The following EXOC4 variants were observed in gnomAD, a reference collection of about 807,000 sequenced individuals.
EXOC4 encodes the protein exocyst complex component 4.
Under a neutral mutation model 107.2 loss-of-function variants are expected in EXOC4, and 71 were observed. The observed-to-expected ratio is 0.66, with a 90% CI of 0.55 to 0.81. EXOC4 has a LOEUF of 0.81. Ranked by LOEUF, EXOC4 falls within the 30% of genes least tolerant of loss-of-function variation. EXOC4 has a pLI of 0.00. For missense variants in EXOC4, 1,108 were observed against 1,189.6 expected (o/e 0.93, Z 1.01); for synonymous variants, 456 against 441.2 (o/e 1.03, Z -0.42).
intron 3 of EXOC4, among the ~76,000 whole-genome samples, chr7:133,298,124 A>T (rs1336289824): frequency 6.6e-6 from 1 of 152,110 alleles, no homozygotes; most frequent in Non-Finnish European, 1.5e-5. Flanking sequence ...AGATAGGAGG[A>T]GCTTGTTAAA....
chr7:133,418,036 A>G (rs1797518706), intron 7 of EXOC4, among the ~76,000 whole-genome samples: 1 of 152,108 alleles, frequency 6.6e-6, no homozygotes, highest in Admixed American at 6.5e-5. Flanking sequence ...TTTCATCTCC[A>G]CTTGGTAATA....
chr7:133,445,160 C>T (rs1239198943), intron 7 of EXOC4, among the ~76,000 whole-genome samples: 1 of 152,056 alleles, frequency 6.6e-6, no homozygotes, highest in African/African-American at 2.4e-5. Flanking sequence ...TCTATCCTGA[C>T]AAATTGAAAA....
intron 9 of EXOC4, among the ~76,000 whole-genome samples, chr7:133,547,115 G>C (rs951808249): frequency 6.6e-6 from 1 of 152,040 alleles, no homozygotes; most frequent in African/African-American, 2.4e-5. Flanking sequence ...ATATGTTGGA[G>C]GTATTCCAGG....
chr7:133,287,291 T>A (rs969810574), intron 2 of EXOC4, among the ~76,000 whole-genome samples: 3 of 123,206 alleles, frequency 2.4e-5, no homozygotes, highest in Non-Finnish European at 4.9e-5. Flanking sequence ...AAATTAATAA[T>A]CAGTCTATTA....
intron 9 of EXOC4, chr7:133,576,584 A>G: frequency 7.8e-7 from 1 of 1,289,840 alleles, no homozygotes; most frequent in Non-Finnish European, 1.0e-6. Context: ...TCCCAGATCT[A>G]TAAAGCGGAT....
intron 13 of EXOC4, among the ~76,000 whole-genome samples, chr7:133,936,237 G>A (rs915192892): frequency 1.3e-5 from 2 of 152,056 alleles, no homozygotes; most frequent in African/African-American, 2.4e-5. Context: ...CAACTGTGAC[G>A]TTTCCTTTAA....
At chr7:133,269,175 G>C (rs1214694768) in intron 1 of EXOC4, among the ~76,000 whole-genome samples, 1 of 152,070 alleles carries the variant, frequency 6.6e-6, no homozygotes. Flanking sequence ...TACTAAAAAA[G>C]CTGCTTGGTG....
chr7:133,521,941 ATG>A (rs1324981190), intron 9 of EXOC4, among the ~76,000 whole-genome samples: 1 of 151,482 alleles, frequency 6.6e-6, no homozygotes, highest in Non-Finnish European at 1.5e-5. Flanking sequence ...TGTTTTATGT[ATG>A]TGTTTGTAAC....
chr7:133,593,034 A>C (rs1801586660), intron 9 of EXOC4, among the ~76,000 whole-genome samples: 1 of 152,220 alleles, frequency 6.6e-6, no homozygotes, highest in Admixed American at 6.5e-5. Context: ...GGCATGAGCC[A>C]CCGTGCCTGG....
At chr7:133,417,047 A>G (rs1797493630) in intron 7 of EXOC4, among the ~76,000 whole-genome samples, 1 of 152,202 alleles carries the variant, frequency 6.6e-6, no homozygotes, top group African/African-American at 2.4e-5. Flanking sequence ...GATGAGGTCT[A>G]TATGATTATG....
At chr7:133,691,332 T>C (rs147538740) in intron 10 of EXOC4, among the ~76,000 whole-genome samples, 6 of 152,186 alleles carry the variant, frequency 3.9e-5, no homozygotes, top group Admixed American at 1.3e-4. Context: ...TATACCTCAT[T>C]TGATTCCTTG....
At chr7:133,770,662 C>G (rs762665920) in intron 10 of EXOC4, among the ~76,000 whole-genome samples, 1 of 151,836 alleles carries the variant, frequency 6.6e-6, no homozygotes, top group South Asian at 2.1e-4. Context: ...GCTGGGGAAA[C>G]TTACAAATTG....
intron 14 of EXOC4, among the ~76,000 whole-genome samples, chr7:133,986,426 G>A (rs988821691): frequency 6.6e-6 from 1 of 152,198 alleles, no homozygotes; most frequent in Non-Finnish European, 1.5e-5. Context: ...TGCTAGTAGT[G>A]GCAGAAGCCA....
At chr7:133,466,915 A>G (rs1798743188) in intron 7 of EXOC4, among the ~76,000 whole-genome samples, 1 of 152,202 alleles carries the variant, frequency 6.6e-6, no homozygotes, top group Non-Finnish European at 1.5e-5. Flanking sequence ...CTTGACCTCC[A>G]TTGATTATTT....
At chr7:134,054,505 C>A (rs981481146) in intron 17 of EXOC4, among the ~76,000 whole-genome samples, 1 of 152,128 alleles carries the variant, frequency 6.6e-6, no homozygotes, top group African/African-American at 2.4e-5. Flanking sequence ...CATTCACAGC[C>A]CCTCCCCGTT....
intron 11 of EXOC4, among the ~76,000 whole-genome samples, chr7:133,860,022 A>T (rs1798500088): frequency 6.6e-6 from 1 of 152,186 alleles, no homozygotes; most frequent in African/African-American, 2.4e-5. Flanking sequence ...ATTCATTATG[A>T]AATTGCCACT....
intron 14 of EXOC4, among the ~76,000 whole-genome samples, chr7:133,939,538 A>T (rs749413005): frequency 5.9e-5 from 9 of 152,142 alleles, no homozygotes; most frequent in Admixed American, 1.3e-4. Flanking sequence ...TGAAAATACT[A>T]CTTATTTTTG....
chr7:133,452,840 T>C (rs1472596340), intron 7 of EXOC4, among the ~76,000 whole-genome samples: 2 of 152,098 alleles, frequency 1.3e-5, no homozygotes, highest in African/African-American at 4.8e-5. Flanking sequence ...AATATATGTG[T>C]GTTCAAAATT....
intron 9 of EXOC4, among the ~76,000 whole-genome samples, chr7:133,558,150 C>T (rs1236639240): frequency 6.7e-6 from 1 of 149,748 alleles, no homozygotes; most frequent in African/African-American, 2.5e-5. Flanking sequence ...CGGTGAAATA[C>T]TTCCTGAAAG....
Sources: allele counts gnomAD v4.1 joint callset (sites outside exome capture counted in the v4.1 genomes callset), GRCh38; gene constraint gnomAD v4.1.1; transcripts MANE v1.5; gene names NCBI Gene and HGNC (gene_info 2026-07-23, HGNC 2026-07-21).